MYO3B: variants seen among roughly 807,000 people sequenced by gnomAD.
MYO3B encodes the protein myosin IIIB.
Under a neutral mutation model 174.6 loss-of-function variants are expected in MYO3B, and 156 were observed. The observed-to-expected ratio is 0.89, with a 90% CI of 0.78 to 1.02. The LOEUF is 1.02. MYO3B is among the 50% of genes least tolerant of loss of function. The pLI is 0.00. For missense variants in MYO3B, 1,632 were observed against 1,639.4 expected (o/e 1.00, Z 0.08); for synonymous variants, 563 against 569.1 (o/e 0.99, Z 0.15).
intron 7 of MYO3B, among the ~76,000 whole-genome samples, chr2:170,298,796 AC>A (rs2093645747): frequency 6.6e-6 from 1 of 152,188 alleles, no homozygotes; most frequent in East Asian, 1.9e-4. Context: ...CTGTAATCAT[AC>A]ACCATATAAT....
intron 32 of MYO3B, among the ~76,000 whole-genome samples, chr2:170,633,560 C>G (rs981691273): frequency 2.6e-5 from 4 of 152,068 alleles, no homozygotes; most frequent in Non-Finnish European, 1.5e-5. Context: ...AAAACTGGCA[C>G]AAGACAGGGA....
chr2:170,407,467 G>GA (rs1320022384), intron 21 of MYO3B, among the ~76,000 whole-genome samples: 5 of 149,406 alleles, frequency 3.3e-5, no homozygotes, highest in African/African-American at 1.2e-4. Context: ...TCTCAAGAAA[G>GA]AAAAAAACAA....
At chr2:170,621,695 A>G (rs1353090435) in intron 32 of MYO3B, among the ~76,000 whole-genome samples, 1 of 151,788 alleles carries the variant, frequency 6.6e-6, no homozygotes, top group East Asian at 1.9e-4. Context: ...TATTTTTAGT[A>G]GAGATGTTAT....
chr2:170,462,289 G>A (rs1684342089), intron 23 of MYO3B, among the ~76,000 whole-genome samples: 1 of 152,202 alleles, frequency 6.6e-6, no homozygotes, highest in Admixed American at 6.5e-5. Context: ...GGGTCATAGA[G>A]CTGCTCACTG....
chr2:170,588,127 A>T (rs945326013), intron 32 of MYO3B, among the ~76,000 whole-genome samples: 2 of 152,138 alleles, frequency 1.3e-5, no homozygotes, highest in Non-Finnish European at 2.9e-5. Context: ...CAGGGACTTC[A>T]AGTATATCAA....
At chr2:170,282,237 G>A (rs115455805) in intron 7 of MYO3B, among the ~76,000 whole-genome samples, 1,678 of 152,192 alleles carry the variant, frequency 0.011, 39 homozygotes, top group African/African-American at 0.037. Flanking sequence ...ATAGTTTGGG[G>A]TCTTAAATTT....
chr2:170,285,073 T>C (rs2093544338), intron 7 of MYO3B, among the ~76,000 whole-genome samples: 1 of 152,250 alleles, frequency 6.6e-6, no homozygotes, highest in East Asian at 1.9e-4. Context: ...CATAGCATTC[T>C]GTTATTGGAC....
intron 8 of MYO3B, among the ~76,000 whole-genome samples, chr2:170,360,881 T>C (rs1203775359): frequency 6.6e-6 from 1 of 152,244 alleles, no homozygotes; most frequent in Admixed American, 6.5e-5. Context: ...CTGAACCTGC[T>C]GGAGGCTTGA....
At chr2:170,390,459 G>T (rs1309650046) in intron 14 of MYO3B, among the ~76,000 whole-genome samples, 1 of 152,180 alleles carries the variant, frequency 6.6e-6, no homozygotes, top group Non-Finnish European at 1.5e-5. Flanking sequence ...GTGAACAAGT[G>T]AGTGAGAAAT....
chr2:170,617,380 C>G (rs953187718), intron 32 of MYO3B, among the ~76,000 whole-genome samples: 4 of 152,196 alleles, frequency 2.6e-5, no homozygotes, highest in South Asian at 2.1e-4. Context: ...TACAAGTATA[C>G]AAGTAACAAT....
chr2:170,405,667 T>C (rs2094504970), intron 21 of MYO3B, 34 bp downstream of exon 21: 3 of 1,588,154 alleles, frequency 1.9e-6, no homozygotes, highest in Non-Finnish European at 2.6e-6. Flanking sequence ...AGACCTGAAT[T>C]TGGCAAAGGG....
intron 32 of MYO3B, among the ~76,000 whole-genome samples, chr2:170,622,234 G>C (rs892140342): frequency 6.6e-6 from 1 of 152,092 alleles, no homozygotes; most frequent in South Asian, 2.1e-4. Flanking sequence ...AATTGTTAAG[G>C]TTCCTAACCC....
intron 8 of MYO3B, among the ~76,000 whole-genome samples, chr2:170,355,166 G>T (rs2094110690): frequency 6.6e-6 from 1 of 152,184 alleles, no homozygotes; most frequent in African/African-American, 2.4e-5. Flanking sequence ...GCATGGTAGT[G>T]GTTTGTGTCC....
chr2:170,409,093 T>C (rs986465412), intron 22 of MYO3B, among the ~76,000 whole-genome samples: 3 of 152,110 alleles, frequency 2.0e-5, no homozygotes, highest in African/African-American at 7.2e-5. Context: ...GGGAAAAAAA[T>C]CTATCCAAAT....
At chr2:170,404,666 C>T (rs574855394) in intron 20 of MYO3B, among the ~76,000 whole-genome samples, 1 of 151,776 alleles carries the variant, frequency 6.6e-6, no homozygotes, top group Admixed American at 6.6e-5. Context: ...ATTTTTACAC[C>T]TTCCTCTCTC....
At chr2:170,577,431 C>T (rs1692852086) in intron 32 of MYO3B, among the ~76,000 whole-genome samples, 1 of 152,176 alleles carries the variant, frequency 6.6e-6, no homozygotes, top group African/African-American at 2.4e-5. Context: ...TGACAGGTAG[C>T]TATAAACCAG....
rs1036536544 is a variant in MYO3B, at chr2:170,650,189, C to T, written c.3734-1439C>T. On this transcript the variant is annotated intron_variant, in intron 32 of 34. Transcript: ENST00000408978. ...CTGGGACTACAGGCGCCCGCCACCA[C>T]GCCCAGCTAATTTTTGTATTTTTAG... 2.6e-5 allele frequency among the ~76,000 whole-genome samples: 4 copies of T among 151,714 alleles called. No homozygotes were observed. The South Asian group carries it at 8.3e-4, about 32-fold the overall frequency.
chr2:170,635,976 C>CTT (rs1390477798), intron 32 of MYO3B, among the ~76,000 whole-genome samples: 1 of 152,162 alleles, frequency 6.6e-6, no homozygotes, highest in African/African-American at 2.4e-5. Context: ...AAAATCACAA[C>CTT]TTAGATGATC....
At chr2:170,551,344 AT>A (rs1280047704) in intron 32 of MYO3B, among the ~76,000 whole-genome samples, 4 of 8,110 alleles carry the variant, frequency 4.9e-4, no homozygotes, top group African/African-American at 2.3e-3. Flanking sequence ...ATTTAATTTA[AT>A]TTAATTATTT....
Sources: allele counts gnomAD v4.1 joint callset (sites outside exome capture counted in the v4.1 genomes callset), GRCh38; gene constraint gnomAD v4.1.1; transcripts MANE v1.5; gene names NCBI Gene and HGNC (gene_info 2026-07-23, HGNC 2026-07-21).